The following PGCKA1 variants were observed in gnomAD, a reference collection of about 807,000 sequenced individuals.
PGCKA1 encodes PDCD10 and GCKIII kinases associated 1.
the PGCKA1 span, among the ~76,000 whole-genome samples, chr4:37,572,524 A>ATT: frequency 6.6e-6 from 1 of 151,736 alleles, no homozygotes; most frequent in South Asian, 2.1e-4. Flanking sequence ...TATACACACA[A>ATT]TTTTTTTTCT....
chr4:37,463,067 TA>T, the PGCKA1 span, among the ~76,000 whole-genome samples: 1 of 151,138 alleles, frequency 6.6e-6, no homozygotes, highest in African/African-American at 2.4e-5. Context: ...AACTGAGGCC[TA>T]AAGAGAGAAT....
the PGCKA1 span, among the ~76,000 whole-genome samples, chr4:37,541,815 C>A: frequency 6.6e-6 from 1 of 152,080 alleles, no homozygotes; most frequent in Non-Finnish European, 1.5e-5. Context: ...GCACCAAGTT[C>A]AAGAGGCCGA....
the PGCKA1 span, among the ~76,000 whole-genome samples, chr4:37,488,493 A>G: frequency 6.6e-6 from 1 of 152,178 alleles, no homozygotes; most frequent in Non-Finnish European, 1.5e-5. Context: ...ACTGCTAACA[A>G]AAACCTGTGG....
chr4:37,573,665 T>G, the PGCKA1 span, among the ~76,000 whole-genome samples: 1 of 152,220 alleles, frequency 6.6e-6, no homozygotes, highest in East Asian at 1.9e-4. Context: ...AGATACCATA[T>G]TTAAGAGCTA....
chr4:37,558,405 G>A, the PGCKA1 span, among the ~76,000 whole-genome samples: 1 of 152,196 alleles, frequency 6.6e-6, no homozygotes, highest in East Asian at 1.9e-4. Context: ...TAATGTCCAT[G>A]CCTCAGAACA....
chr4:37,536,669 T>G, the PGCKA1 span, among the ~76,000 whole-genome samples: 1 of 152,224 alleles, frequency 6.6e-6, no homozygotes, highest in African/African-American at 2.4e-5. Flanking sequence ...GAGAACCAGA[T>G]AGTAAATATT....
the PGCKA1 span, among the ~76,000 whole-genome samples, chr4:37,488,112 G>A: frequency 6.6e-6 from 1 of 152,070 alleles, no homozygotes; most frequent in Admixed American, 6.6e-5. Flanking sequence ...AGGCCCTGTT[G>A]GGCTTAAATT....
chr4:37,590,646 C>A, the PGCKA1 span: 2 of 1,614,138 alleles, frequency 1.2e-6, no homozygotes. Flanking sequence ...CAGCTGGAGA[C>A]AACGTTGATC....
the PGCKA1 span, among the ~76,000 whole-genome samples, chr4:37,531,011 C>A: frequency 1.3e-5 from 2 of 151,958 alleles, no homozygotes; most frequent in South Asian, 4.2e-4. Flanking sequence ...GAAAAAAAAA[C>A]TGTTTCTCTG....
chr4:37,525,095 G>T, the PGCKA1 span, among the ~76,000 whole-genome samples: 2 of 152,186 alleles, frequency 1.3e-5, no homozygotes, highest in Admixed American at 1.3e-4. Flanking sequence ...CCCTGCAAAC[G>T]TGTGTATGTT....
chr4:37,523,515 C>T, the PGCKA1 span, among the ~76,000 whole-genome samples: 1 of 151,962 alleles, frequency 6.6e-6, no homozygotes. Flanking sequence ...AAATTGGTGT[C>T]CCTGTAGGGA....
chr4:37,531,593 C>A, the PGCKA1 span, among the ~76,000 whole-genome samples: 1 of 151,296 alleles, frequency 6.6e-6, no homozygotes, highest in Admixed American at 6.6e-5. Flanking sequence ...TTAAATAAAT[C>A]ATATTAAGGA....
At chr4:37,460,424 C>A in the PGCKA1 span, 1 of 335,332 alleles carries the variant, frequency 3.0e-6, no homozygotes, top group Non-Finnish European at 5.9e-6. Flanking sequence ...CTGTCTTCCA[C>A]AATGGTGGAA....
At chr4:37,495,937 T>A in the PGCKA1 span, among the ~76,000 whole-genome samples, 516 of 152,332 alleles carry the variant, frequency 3.4e-3, 5 homozygotes, top group African/African-American at 0.012. Flanking sequence ...TCTTGTAGAT[T>A]TAAGTTCCTT....
At chr4:37,569,786 C>A in the PGCKA1 span, among the ~76,000 whole-genome samples, 2 of 152,164 alleles carry the variant, frequency 1.3e-5, no homozygotes, top group African/African-American at 4.8e-5. Context: ...TCTTTAATTT[C>A]TGTTGTTCCC....
the PGCKA1 span, among the ~76,000 whole-genome samples, chr4:37,576,049 T>C: frequency 6.6e-6 from 1 of 152,208 alleles, no homozygotes; most frequent in African/African-American, 2.4e-5. Context: ...ATTTTGTTTT[T>C]TTCGCTCAGG....
At chr4:37,585,825 T>C in the PGCKA1 span, among the ~76,000 whole-genome samples, 41 of 152,196 alleles carry the variant, frequency 2.7e-4, no homozygotes, top group Admixed American at 8.5e-4. Flanking sequence ...TGTACACAGT[T>C]CCATAGCAAA....
chr4:37,577,398 T>G, the PGCKA1 span, among the ~76,000 whole-genome samples: 4 of 152,156 alleles, frequency 2.6e-5, no homozygotes, highest in Non-Finnish European at 4.4e-5. Flanking sequence ...TTTATTGAAT[T>G]TCTGCAGTAT....
chr4:37,497,845 C>A, the PGCKA1 span, among the ~76,000 whole-genome samples: 1 of 152,206 alleles, frequency 6.6e-6, no homozygotes, highest in Admixed American at 6.5e-5. Flanking sequence ...GTTTACTCTG[C>A]TGACTGTTCC....
Sources: gnomAD v4.1 joint callset for allele counts (sites outside exome capture counted in the v4.1 genomes callset) on GRCh38, gnomAD v4.1.1 for gene constraint, MANE v1.5 for transcripts, NCBI Gene and HGNC (gene_info 2026-07-23, HGNC 2026-07-21) for gene names.